Variants in MIR2052HG observed in about 807,000 individuals in gnomAD.
MIR2052HG encodes the protein MIR2052 host gene.
intron 2 of MIR2052HG, among the ~76,000 whole-genome samples, chr8:74,686,375 G>C (rs1371769408): frequency 6.6e-6 from 1 of 151,968 alleles, no homozygotes; most frequent in African/African-American, 2.4e-5. Flanking sequence ...ATTATTATGA[G>C]TCAAAAGTCT....
rs574814127 is a variant in MIR2052HG, at chr8:74,688,434, A to C, written n.217-13945A>C. 3.1e-3 allele frequency among the ~76,000 whole-genome samples: 470 copies of C among 152,332 alleles called. 4 individuals carry two copies. The highest frequency in any genetic ancestry group is 0.011 in the African/African-American group (452 of 41,586). On this transcript the variant is annotated intron_variant and non_coding_transcript_variant, in intron 2 of 6. Coordinates refer to ENST00000523442, the Ensembl canonical transcript of MIR2052HG. ...ATGTAAAAGATATATCTGAAAATAA[A>C]TGTTTATAAGCACAATGATAACACT...
At chr8:74,615,507 C>T (rs1392905340) in intron 2 of MIR2052HG, among the ~76,000 whole-genome samples, 1 of 152,158 alleles carries the variant, frequency 6.6e-6, no homozygotes, top group Non-Finnish European at 1.5e-5. Context: ...ATCCACTCTT[C>T]AAACTCAATA....
At chr8:74,716,194 G>C (rs151231244) in intron 4 of MIR2052HG, among the ~76,000 whole-genome samples, 1 of 152,052 alleles carries the variant, frequency 6.6e-6, no homozygotes, top group Non-Finnish European at 1.5e-5. Context: ...GTCTCCTCTC[G>C]CACTTATCTC....
At chr8:74,632,021 A>C (rs979238506) in intron 2 of MIR2052HG, among the ~76,000 whole-genome samples, 2 of 152,176 alleles carry the variant, frequency 1.3e-5, no homozygotes, top group African/African-American at 4.8e-5. Context: ...GGACACAAAC[A>C]TTTAGACCAT....
At chr8:74,673,238 C>G (rs938543253) in intron 2 of MIR2052HG, among the ~76,000 whole-genome samples, 3 of 152,014 alleles carry the variant, frequency 2.0e-5, no homozygotes, top group Non-Finnish European at 4.4e-5. Flanking sequence ...TCACAATAAT[C>G]ATAAGGAACA....
At chr8:74,634,995 A>G (rs1306805953) in intron 2 of MIR2052HG, among the ~76,000 whole-genome samples, 1 of 152,184 alleles carries the variant, frequency 6.6e-6, no homozygotes, top group Non-Finnish European at 1.5e-5. Flanking sequence ...TCTAATTTTT[A>G]TCTAATAATT....
At chr8:74,706,020 A>G (rs1809407132) in intron 4 of MIR2052HG, among the ~76,000 whole-genome samples, 1 of 152,142 alleles carries the variant, frequency 6.6e-6, no homozygotes, top group Non-Finnish European at 1.5e-5. Context: ...GAAATTAAGT[A>G]TCTATTAAAG....
intron 2 of MIR2052HG, among the ~76,000 whole-genome samples, chr8:74,662,858 T>TTGTGTGTGTGTGTGTG (rs68089808): frequency 2.2e-4 from 32 of 144,300 alleles, no homozygotes; most frequent in African/African-American, 6.9e-4. Context: ...AATGACTCAT[T>TTGTGTGTGTGTGTGTG]TGTGTGTGTG....
At chr8:74,651,227 A>T (rs1055955637) in intron 2 of MIR2052HG, among the ~76,000 whole-genome samples, 1 of 151,710 alleles carries the variant, frequency 6.6e-6, no homozygotes, top group Non-Finnish European at 1.5e-5. Context: ...GATTATTTTA[A>T]TGATGTCTGT....
At chr8:74,678,062 AT>A (rs1169881469) in intron 2 of MIR2052HG, among the ~76,000 whole-genome samples, 2 of 152,190 alleles carry the variant, frequency 1.3e-5, no homozygotes, top group Non-Finnish European at 2.9e-5. Flanking sequence ...AAAATATACA[AT>A]ATCAAAACTG....
chr8:74,620,457 T>G (rs554228911), intron 2 of MIR2052HG, among the ~76,000 whole-genome samples: 1 of 152,338 alleles, frequency 6.6e-6, no homozygotes, highest in East Asian at 1.9e-4. Flanking sequence ...TGCAGGAAAC[T>G]TCTGTCTGGA....
chr8:74,659,587 C>T (rs1481072754), intron 2 of MIR2052HG, among the ~76,000 whole-genome samples: 3 of 152,060 alleles, frequency 2.0e-5, no homozygotes, highest in Admixed American at 6.6e-5. Flanking sequence ...AATACAGGCA[C>T]ATACCACTGC....
intron 2 of MIR2052HG, among the ~76,000 whole-genome samples, chr8:74,696,226 G>A (rs1181581654): frequency 6.6e-6 from 1 of 151,908 alleles, no homozygotes; most frequent in Non-Finnish European, 1.5e-5. Flanking sequence ...AATAATCGTT[G>A]GATCAATAAT....
intron 2 of MIR2052HG, among the ~76,000 whole-genome samples, chr8:74,690,697 G>A (rs770605824): frequency 1.6e-4 from 25 of 151,942 alleles, no homozygotes; most frequent in Non-Finnish European, 3.5e-4. Context: ...ATTAAAAAGT[G>A]TTAAGCCAGG....
intron 4 of MIR2052HG, among the ~76,000 whole-genome samples, chr8:74,722,821 G>A (rs1809592797): frequency 6.6e-6 from 1 of 152,200 alleles, no homozygotes; most frequent in Non-Finnish European, 1.5e-5. Flanking sequence ...GTGGAAGGAA[G>A]GGAGATTTCT....
intron 4 of MIR2052HG, among the ~76,000 whole-genome samples, chr8:74,713,627 A>T (rs570324192): frequency 2.2e-4 from 33 of 152,272 alleles, no homozygotes; most frequent in African/African-American, 4.6e-4. Flanking sequence ...CACTGATACC[A>T]TAGGATGCTA....
At chr8:74,701,860 A>G (rs1042182035) in intron 2 of MIR2052HG, among the ~76,000 whole-genome samples, 1 of 152,142 alleles carries the variant, frequency 6.6e-6, no homozygotes, top group Non-Finnish European at 1.5e-5. Context: ...GCAGGCAGTG[A>G]AAAATCCAGT....
chr8:74,650,213 C>T (rs1808737318), intron 2 of MIR2052HG, among the ~76,000 whole-genome samples: 1 of 152,146 alleles, frequency 6.6e-6, no homozygotes, highest in Non-Finnish European at 1.5e-5. Flanking sequence ...ACAATTTCAT[C>T]ACCCCTTTCA....
At chr8:74,607,378 G>A (rs1225203322) in intron 1 of MIR2052HG, among the ~76,000 whole-genome samples, 2 of 152,176 alleles carry the variant, frequency 1.3e-5, no homozygotes, top group Admixed American at 6.5e-5. Flanking sequence ...TTGAGAGGCC[G>A]AGGTGGGTGG....
Sources: gnomAD v4.1 joint callset for allele counts (sites outside exome capture counted in the v4.1 genomes callset) on GRCh38, gnomAD v4.1.1 for gene constraint, MANE v1.5 for transcripts, NCBI Gene and HGNC (gene_info 2026-07-23, HGNC 2026-07-21) for gene names.